REXO5: variants seen among roughly 807,000 people sequenced by gnomAD.
The protein encoded by REXO5 is RNA exonuclease 5.
Under a neutral mutation model 88.5 loss-of-function variants are expected in REXO5, and 48 were observed. That is an observed-to-expected ratio of 0.54 (90% CI 0.43 to 0.69). REXO5 has a LOEUF of 0.69. REXO5 is among the 30% of genes least tolerant of loss of function. The pLI is 0.00. For missense variants in REXO5, 749 were observed against 912.2 expected (o/e 0.82, Z 2.30); for synonymous variants, 311 against 336.5 (o/e 0.92, Z 0.83).
chr16:20,832,405 G>C (rs1217863275), intron 12 of REXO5, 146 bp downstream of exon 12: 5 of 482,712 alleles, frequency 1.0e-5, no homozygotes, highest in Non-Finnish European at 1.8e-5. Context: ...AAAAACCACG[G>C]AAAAAATACC....
intron 3 of REXO5, 42 bp downstream of exon 3, chr16:20,813,344 CTTTTTTTTT>C: frequency 4.7e-6 from 3 of 643,324 alleles, no homozygotes; most frequent in Admixed American, 3.3e-5. Context: ...CCAGCGGTTT[CTTTTTTTTT>C]TTTTTTTTTT....
rs1347352637 is a variant in REXO5 at position 20,849,394 on chromosome 16, TG to T, written c.2244-4del. The T allele has an allele frequency of 3.2e-5, 51 of 1,612,210 alleles. No homozygotes were observed. The Admixed American group carries it at 8.5e-4, about 27-fold the overall frequency. On this transcript the variant is annotated splice_region_variant and splice_polypyrimidine_tract_variant and intron_variant, in intron 19 of 19. Transcript: ENST00000261377. The stretch of plus-strand genomic sequence containing the variant: ...AAACATACCTTTGTTTCTTATTTAT[TG>T]CAGCACTCATGGTTCACTCTCTGGT...
chr16:20,818,413 A>G (rs2081113940), intron 5 of REXO5, among the ~76,000 whole-genome samples: 1 of 152,008 alleles, frequency 6.6e-6, no homozygotes, highest in Non-Finnish European at 1.5e-5. Flanking sequence ...CCAGTTTTTC[A>G]TGTATGTTTT....
intron 1 of REXO5, 104 bp downstream of exon 1, chr16:20,806,809 G>A (rs1281133757): frequency 2.3e-6 from 3 of 1,308,558 alleles, no homozygotes; most frequent in Non-Finnish European, 3.1e-6. Context: ...GGGGAACGGG[G>A]ATAGTTCGGT....
chr16:20,830,912 T>G lies in REXO5; in HGVS notation c.1159-1244T>G, dbSNP rs140477466. Among the ~76,000 whole-genome samples the G allele has an allele frequency of 4.5e-3, 685 of 151,934 alleles. 4 individuals are homozygous for G. The highest frequency in any genetic ancestry group is 0.015 in the African/African-American group (634 of 41,472). On this transcript the variant is annotated intron_variant, in intron 11 of 19. Transcript: ENST00000261377. ...TATCAACATTTACCATATTAGAAATTAAATAAATTTTTAATATTAGTTTAA... is the reference window on the plus strand; with the variant it reads ...TATCAACATTTACCATATTAGAAATGAAATAAATTTTTAATATTAGTTTAA...
intron 13 of REXO5, among the ~76,000 whole-genome samples, chr16:20,839,094 C>T (rs940346072): frequency 2.0e-5 from 3 of 152,102 alleles, no homozygotes; most frequent in African/African-American, 7.2e-5. Flanking sequence ...TCTCCATTTC[C>T]AGAATGATGG....
chr16:20,824,590 T>C, intron 7 of REXO5, 63 bp downstream of exon 7: 1 of 1,004,274 alleles, frequency 1.0e-6, no homozygotes, highest in Non-Finnish European at 1.6e-6. Context: ...AGAAAATGAT[T>C]TCTTGAGTCT....
At chr16:20,824,350 CTA>C in intron 6 of REXO5, 87 bp from the exon 7 acceptor site, 1 of 688,672 alleles carries the variant, frequency 1.5e-6, no homozygotes, top group East Asian at 2.7e-5. Flanking sequence ...ACTAAAATAT[CTA>C]GTATTGTAGT....
chr16:20,840,651 C>A (rs1265442802), intron 15 of REXO5, among the ~76,000 whole-genome samples, 183 bp downstream of exon 15: 10 of 152,092 alleles, frequency 6.6e-5, no homozygotes, highest in Admixed American at 3.3e-4. Flanking sequence ...ATTGTGAGAT[C>A]TTTTGTTGTG....
intron 10 of REXO5, 152 bp from the exon 11 acceptor site, chr16:20,828,283 A>C (rs1407362365): frequency 1.8e-6 from 1 of 560,864 alleles, no homozygotes; most frequent in Non-Finnish European, 3.2e-6. Context: ...AGGGCTGGGC[A>C]ATTAGCTGGA....
At chr16:20,835,702 AT>A (rs2081418054) in intron 13 of REXO5, among the ~76,000 whole-genome samples, 1 of 149,342 alleles carries the variant, frequency 6.7e-6, no homozygotes, top group African/African-American at 2.5e-5. Flanking sequence ...TATTATTGTT[AT>A]TTTAATAGAC....
chr16:20,826,015 T>C (rs1266334488), intron 8 of REXO5, 67 bp downstream of exon 8: 1 of 998,990 alleles, frequency 1.0e-6, no homozygotes, highest in Non-Finnish European at 1.5e-6. Flanking sequence ...TACTTAAGAA[T>C]GGCCCACAGC....
chr16:20,827,431 G>A lies in REXO5; in HGVS notation c.1039G>A (p.Ala347Thr), dbSNP rs1430806078. The change falls in exon 10 of 20, where the codon GCC (alanine) becomes ACC (threonine). Residue 347 changes from alanine to threonine, a missense_variant. Ala to Thr is a moderately conservative substitution (Grantham distance 58). Transcript: ENST00000261377. ...CAGAAGATTTAAGCTCAAGTTCTTA[G>A]CCAAAGTTATTTTGGGGTAGGTTTG... ...QGRRFKLKFL[A>T]KVILGKDIQC... The A allele has an allele frequency of 6.2e-7, 1 of 1,613,010 alleles. No homozygotes were observed. The highest frequency in any genetic ancestry group is 8.5e-7 in the Non-Finnish European group (1 of 1,179,500).
At chr16:20,834,480 CA>C (rs1201299328) in intron 13 of REXO5, among the ~76,000 whole-genome samples, 1 of 152,046 alleles carries the variant, frequency 6.6e-6, no homozygotes, top group East Asian at 1.9e-4. Flanking sequence ...TGAGCTTTTG[CA>C]ATTTGCGGGT....
At position 20,815,720 on chromosome 16, in the gene REXO5, G is replaced by A. The variant is rs116784686; in HGVS notation, c.379-396G>A. 4.6e-3 allele frequency among the ~76,000 whole-genome samples: 697 copies of A among 152,298 alleles called. 6 individuals carry two copies. The highest frequency in any genetic ancestry group is 0.016 in the African/African-American group (646 of 41,540). On this transcript the variant is annotated intron_variant, in intron 4 of 19. Transcript: ENST00000261377. ...CTTGCCCGAGTTCCAGCTAGTAAGT[G>A]GTAGGGCTGAAATTTAAGCCCAGGT...
Position 20,849,605 on chromosome 16 carries a change from G to A in REXO5, c.*125G>A. On this transcript the variant is annotated 3_prime_UTR_variant, in exon 20 of 20. Transcript: ENST00000261377. ...TGGAAACTTGGTATAGCAGCTAAAA[G>A]AGTTTAGTTTGTTTATATGGCATGT... 1.3e-6 allele frequency: 1 copy of A among 784,340 alleles called. No homozygotes were observed. 48.6% of individuals were successfully genotyped at this position (784,340 alleles called of 1,614,324 possible).
chr16:20,817,530 T>C (rs928983131), intron 5 of REXO5, among the ~76,000 whole-genome samples: 1 of 152,136 alleles, frequency 6.6e-6, no homozygotes, highest in Non-Finnish European at 1.5e-5. Flanking sequence ...GCAGGCTTTG[T>C]TTTTATTTTA....
At chr16:20,830,990 GTTTTTTTTTTTTT>G (rs11337519) in intron 11 of REXO5, among the ~76,000 whole-genome samples, 1 of 97,076 alleles carries the variant, frequency 1.0e-5, no homozygotes, top group African/African-American at 3.8e-5. Context: ...TTCTTTTTCT[GTTTTTTTTTTTTT>G]TTTTTTTTTG....
intron 13 of REXO5, among the ~76,000 whole-genome samples, chr16:20,833,528 G>C (rs1167701748): frequency 6.6e-6 from 1 of 152,088 alleles, no homozygotes; most frequent in African/African-American, 2.4e-5. Context: ...CAGAAGATCT[G>C]TGTTTGTTTT....
Sources: allele counts gnomAD v4.1 joint callset (sites outside exome capture counted in the v4.1 genomes callset), GRCh38; gene constraint gnomAD v4.1.1; transcripts MANE v1.5; gene names NCBI Gene and HGNC (gene_info 2026-07-23, HGNC 2026-07-21).